The following TBCK variants were observed in gnomAD, a reference collection of about 807,000 sequenced individuals.
TBCK encodes the protein TBC1 domain containing kinase.
In TBCK, 99 loss-of-function variants were observed where a neutral mutation model predicts 113.4. The observed-to-expected ratio is 0.87, with a 90% CI of 0.74 to 1.03. The LOEUF is 1.03. Ranked by LOEUF, TBCK falls within the 50% of genes least tolerant of loss-of-function variation. The probability of loss-of-function intolerance (pLI) is 0.00; values close to 1 mark genes in which losing one functional copy is unlikely to be tolerated. For synonymous variants in TBCK, 369 were observed against 370.8 expected, an observed-to-expected ratio of 1.00 and a Z score of 0.05; for missense variants, 1,045 against 1,061.3, an observed-to-expected ratio of 0.98 and a Z score of 0.21.
At chr4:106,208,838 C>T (rs1424529234) in intron 20 of TBCK, among the ~76,000 whole-genome samples, 1 of 152,164 alleles carries the variant, frequency 6.6e-6, no homozygotes, top group Non-Finnish European at 1.5e-5. Context: ...CTGTAACACC[C>T]CCTTTGGGGC....
At chr4:106,210,494 A>T (rs1481102317) in intron 20 of TBCK, among the ~76,000 whole-genome samples, 1 of 152,284 alleles carries the variant, frequency 6.6e-6, no homozygotes, top group East Asian at 1.9e-4. Flanking sequence ...GGAGGGTACA[A>T]TCAAATCTCA....
rs530736329 is a variant in TBCK, at chr4:106,303,501, A to C, written c.193+5267T>G. Reference sequence around the variant, plus strand: ...CAAAGCCTACTGAAGCTGCAATTTTAAACTTAAAATTTCATTTCCTTAGAT... The same window carrying C: ...CAAAGCCTACTGAAGCTGCAATTTTCAACTTAAAATTTCATTTCCTTAGAT... On this transcript the variant is annotated intron_variant, in intron 2 of 25. Coordinates refer to ENST00000394708, the MANE Select transcript of TBCK (RefSeq NM_001163435.3). Among the ~76,000 whole-genome samples the C allele has an allele frequency of 3.3e-5, 5 of 152,258 alleles. No homozygotes were observed. The South Asian group carries it at 1.0e-3, about 32-fold the overall frequency.
intron 25 of TBCK, among the ~76,000 whole-genome samples, chr4:106,091,395 G>A (rs927933103): frequency 5.9e-5 from 9 of 152,206 alleles, no homozygotes; most frequent in East Asian, 1.9e-4. Flanking sequence ...CACTGTGTCC[G>A]GAACTGGTGG....
intron 22 of TBCK, among the ~76,000 whole-genome samples, chr4:106,172,028 C>T (rs1247033592): frequency 4.6e-5 from 7 of 151,982 alleles, no homozygotes; most frequent in African/African-American, 9.7e-5. Context: ...CATGGGGTTT[C>T]GCCATGTTGC....
chr4:106,144,976 C>T (rs1001885405), intron 23 of TBCK, among the ~76,000 whole-genome samples: 13 of 146,634 alleles, frequency 8.9e-5, no homozygotes, highest in Non-Finnish European at 1.0e-4. Context: ...GAGCTGAGAT[C>T]GCTACTGCAC....
chr4:106,295,858 T>C lies in TBCK; in HGVS notation c.194-692A>G, dbSNP rs1338975407. Among the ~76,000 whole-genome samples the C allele has an allele frequency of 2.0e-5, 3 of 152,240 alleles. No individual in the cohort carries two copies. In the East Asian group the frequency reaches 5.8e-4, roughly 29 times the overall value. On this transcript the variant is annotated intron_variant, in intron 2 of 25. Transcript: ENST00000394708. ...CATGACATACCTTTTTTTCTTATTT[T>C]TTCCTATATTTCTAGGCTACATGGT...
At chr4:106,169,523 T>C (rs1241016740) in intron 23 of TBCK, among the ~76,000 whole-genome samples, 1 of 152,082 alleles carries the variant, frequency 6.6e-6, no homozygotes, top group Non-Finnish European at 1.5e-5. Flanking sequence ...TAAATAAGTT[T>C]GTATTTAGAA....
At chr4:106,315,132 C>A (rs1768652645) in intron 1 of TBCK, among the ~76,000 whole-genome samples, 1 of 151,924 alleles carries the variant, frequency 6.6e-6, no homozygotes, top group Non-Finnish European at 1.5e-5. Flanking sequence ...AAGAAAACTA[C>A]CGGGGGAAAA....
chr4:106,316,547 C>G, upstream of TBCK: 1 of 1,551,658 alleles, frequency 6.4e-7, no homozygotes, highest in Non-Finnish European at 8.7e-7. Context: ...GCTGGACCTA[C>G]ATGCTTCCTG....
intron 2 of TBCK, among the ~76,000 whole-genome samples, chr4:106,296,069 GT>G (rs1216930613): frequency 1.3e-5 from 2 of 152,100 alleles, no homozygotes. Flanking sequence ...CATTAATGAT[GT>G]CATTTTTATT....
rs1160941016 is a variant in TBCK, at chr4:106,041,874, G to A, written c.*4696C>T. 3 of 152,132 alleles carry A rather than the reference G, an allele frequency of 2.0e-5. No homozygotes were observed. Among genetic ancestry groups the A allele is most frequent in the African/African-American group, 7.2e-5 (3 of 41,434 alleles). 9.4% of individuals were successfully genotyped at this position (152,132 alleles called of 1,614,324 possible). Reference sequence around the variant, plus strand: ...AAGGCATTAACAGGAAAATTACTCAGAAAAGATATAAATACATGTGACTTT... The same window carrying A: ...AAGGCATTAACAGGAAAATTACTCAAAAAAGATATAAATACATGTGACTTT... On this transcript the variant is annotated 3_prime_UTR_variant, in exon 26 of 26. Coordinates refer to ENST00000394708, the MANE Select transcript of TBCK (RefSeq NM_001163435.3).
At chr4:106,250,797 T>A (rs1007243298) in intron 6 of TBCK, among the ~76,000 whole-genome samples, 1 of 152,002 alleles carries the variant, frequency 6.6e-6, no homozygotes, top group African/African-American at 2.4e-5. Context: ...ATATGGAGTC[T>A]TACTTTATTG....
chr4:106,312,627 TA>T (rs926130265), intron 1 of TBCK, among the ~76,000 whole-genome samples: 10 of 150,056 alleles, frequency 6.7e-5, no homozygotes, highest in Non-Finnish European at 1.3e-4. Flanking sequence ...CATTTGTCCA[TA>T]AAAAAAAACA....
chr4:106,092,872 T>C (rs369439869), intron 25 of TBCK, among the ~76,000 whole-genome samples: 2 of 152,220 alleles, frequency 1.3e-5, no homozygotes, highest in Non-Finnish European at 2.9e-5. Flanking sequence ...GCTCCTCAAG[T>C]GCAGCCAGAG....
chr4:106,245,241 C>T (rs1189439043), intron 10 of TBCK, among the ~76,000 whole-genome samples: 1 of 152,110 alleles, frequency 6.6e-6, no homozygotes, highest in African/African-American at 2.4e-5. Flanking sequence ...AAGGTTCTCA[C>T]AGTAAATATT....
At chr4:106,219,748 A>C (rs1175952378) in intron 19 of TBCK, among the ~76,000 whole-genome samples, 1 of 151,756 alleles carries the variant, frequency 6.6e-6, no homozygotes, top group South Asian at 2.1e-4. Flanking sequence ...TATGTTGTCT[A>C]GGCTGGTCTC....
At chr4:106,090,028 C>T (rs1245246301) in intron 25 of TBCK, among the ~76,000 whole-genome samples, 11 of 152,210 alleles carry the variant, frequency 7.2e-5, no homozygotes, top group African/African-American at 2.7e-4. Context: ...TCTGCAGGGG[C>T]TCCACTCTAC....
chr4:106,314,118 C>G lies in TBCK; in HGVS notation c.-30+1813G>C, dbSNP rs954461215. 4.6e-5 allele frequency among the ~76,000 whole-genome samples: 7 copies of G among 151,922 alleles called. No homozygotes were observed. The South Asian group carries it at 1.5e-3, about 32-fold the overall frequency. On this transcript the variant is annotated intron_variant, in intron 1 of 25. Coordinates refer to ENST00000394708, the MANE Select transcript of TBCK (RefSeq NM_001163435.3). ...TGGTTTTTGGCACGTGAATAAAGCGCAAATGTTATAGTTAAGAAATATATT... is the reference window on the plus strand; with the variant it reads ...TGGTTTTTGGCACGTGAATAAAGCGGAAATGTTATAGTTAAGAAATATATT...
intron 25 of TBCK, among the ~76,000 whole-genome samples, chr4:106,087,048 C>T (rs2149500778): frequency 6.6e-6 from 1 of 152,280 alleles, no homozygotes; most frequent in East Asian, 1.9e-4. Context: ...TCTCTCACCA[C>T]TCCTATTCAA....
Sources: gnomAD v4.1 joint callset for allele counts (sites outside exome capture counted in the v4.1 genomes callset) on GRCh38, gnomAD v4.1.1 for gene constraint, MANE v1.5 for transcripts, NCBI Gene and HGNC (gene_info 2026-07-23, HGNC 2026-07-21) for gene names.